GALNTL6: variants seen among roughly 807,000 people sequenced by gnomAD.
GALNTL6 encodes the protein polypeptide N-acetylgalactosaminyltransferase-like 6.
In GALNTL6, 46 loss-of-function variants were observed where a neutral mutation model predicts 73.7. The ratio of observed to expected loss-of-function variants is 0.62; its 90% CI spans 0.49 to 0.80. The LOEUF (loss-of-function observed/expected upper bound fraction) is 0.80, where lower values mean the gene tolerates loss of function less well. Ranked by LOEUF, GALNTL6 falls within the 30% of genes least tolerant of loss-of-function variation. The pLI is 0.00. For synonymous variants in GALNTL6, 259 were observed against 263.7 expected, an observed-to-expected ratio of 0.98 and a Z score of 0.17; for missense variants, 604 against 755.0, an observed-to-expected ratio of 0.80 and a Z score of 2.34.
chr4:172,285,802 C>T (rs1474950426), intron 3 of GALNTL6, among the ~76,000 whole-genome samples: 2 of 152,182 alleles, frequency 1.3e-5, no homozygotes, highest in African/African-American at 2.4e-5. Context: ...CTCCTCTCTC[C>T]CTTATTCCCA....
chr4:172,358,120 A>G (rs1048970544), intron 5 of GALNTL6, among the ~76,000 whole-genome samples: 2 of 152,172 alleles, frequency 1.3e-5, no homozygotes, highest in Non-Finnish European at 2.9e-5. Context: ...GACTCATGAG[A>G]TAAGTAGAAA....
chr4:172,879,028 T>C (rs1745326450), intron 7 of GALNTL6, among the ~76,000 whole-genome samples: 2 of 151,836 alleles, frequency 1.3e-5, no homozygotes, highest in African/African-American at 4.8e-5. Flanking sequence ...ATAAAAGTCA[T>C]TTCATAGCAA....
chr4:172,211,159 G>A (rs774293762), intron 2 of GALNTL6, among the ~76,000 whole-genome samples: 1 of 152,004 alleles, frequency 6.6e-6, no homozygotes, highest in Non-Finnish European at 1.5e-5. Flanking sequence ...AAGATGCTCC[G>A]GTTTCATCTT....
chr4:172,029,435 C>T (rs1741696753), intron 2 of GALNTL6, among the ~76,000 whole-genome samples: 1 of 152,022 alleles, frequency 6.6e-6, no homozygotes, highest in South Asian at 2.1e-4. Context: ...GTGGCTGACA[C>T]TATCGAATAC....
intron 8 of GALNTL6, among the ~76,000 whole-genome samples, chr4:172,912,305 A>G (rs1747248311): frequency 6.6e-6 from 1 of 152,212 alleles, no homozygotes; most frequent in South Asian, 2.1e-4. Flanking sequence ...AGTGTCAGCA[A>G]CGCAGAAGAC....
intron 2 of GALNTL6, among the ~76,000 whole-genome samples, chr4:171,913,840 T>C (rs1553969533): frequency 2.0e-5 from 3 of 152,052 alleles, no homozygotes; most frequent in Non-Finnish European, 2.9e-5. Flanking sequence ...TTTAGCACAA[T>C]AAAAAGTTAA....
chr4:172,527,541 T>A lies in GALNTL6; in HGVS notation c.553+178852T>A, dbSNP rs1359040209. The stretch of plus-strand genomic sequence containing the variant: ...TGAATGCCCTCTGTGAAATAGCCCT[T>A]CTTCCTTTCCATAGGATGGATTGTC... On this transcript the variant is annotated intron_variant, in intron 5 of 12. Coordinates refer to ENST00000506823, the MANE Select transcript of GALNTL6 (RefSeq NM_001034845.3). Among the ~76,000 whole-genome samples the A allele has an allele frequency of 2.6e-5, 4 of 152,204 alleles. No individual in the cohort carries two copies. In the East Asian group the frequency reaches 5.8e-4, roughly 22 times the overall value.
At chr4:172,626,718 T>C (rs981569690) in intron 5 of GALNTL6, among the ~76,000 whole-genome samples, 6 of 152,084 alleles carry the variant, frequency 3.9e-5, no homozygotes, top group African/African-American at 1.4e-4. Flanking sequence ...TTTCACCTTT[T>C]TGGTGAGCTG....
chr4:172,214,896 C>T (rs1354459117), intron 2 of GALNTL6, among the ~76,000 whole-genome samples: 1 of 151,942 alleles, frequency 6.6e-6, no homozygotes, highest in Non-Finnish European at 1.5e-5. Flanking sequence ...AGATTATTGG[C>T]TTTAGAGCTT....
intron 10 of GALNTL6, among the ~76,000 whole-genome samples, chr4:172,999,222 A>C (rs927381415): frequency 3.3e-5 from 5 of 152,100 alleles, no homozygotes; most frequent in Non-Finnish European, 7.4e-5. Flanking sequence ...TGATAAAGAA[A>C]CTTGCAGGAC....
chr4:172,197,292 A>T (rs1205336604), intron 2 of GALNTL6, among the ~76,000 whole-genome samples: 1 of 152,216 alleles, frequency 6.6e-6, no homozygotes, highest in Non-Finnish European at 1.5e-5. Flanking sequence ...ATCAGAGAAG[A>T]CAAAAACAAA....
intron 2 of GALNTL6, among the ~76,000 whole-genome samples, chr4:171,821,411 T>G (rs957314020): frequency 1.3e-5 from 2 of 152,026 alleles, no homozygotes; most frequent in Non-Finnish European, 2.9e-5. Flanking sequence ...ATATCAGAAT[T>G]TCTGTAGTAT....
intron 2 of GALNTL6, among the ~76,000 whole-genome samples, chr4:172,019,708 A>G (rs1741336499): frequency 6.6e-6 from 1 of 152,146 alleles, no homozygotes; most frequent in Admixed American, 6.6e-5. Context: ...ATAGACTCTG[A>G]TACAAAAATA....
At chr4:172,212,628 C>A (rs959871493) in intron 2 of GALNTL6, among the ~76,000 whole-genome samples, 2 of 152,022 alleles carry the variant, frequency 1.3e-5, no homozygotes, top group Non-Finnish European at 2.9e-5. Flanking sequence ...TCTTCCCTGC[C>A]CCTTCATGAA....
At chr4:172,050,601 T>C (rs1730826629) in intron 2 of GALNTL6, among the ~76,000 whole-genome samples, 1 of 152,172 alleles carries the variant, frequency 6.6e-6, no homozygotes, top group Non-Finnish European at 1.5e-5. Context: ...GAGGTCTATG[T>C]GCCAGTGGAC....
chr4:172,941,771 C>T, intron 9 of GALNTL6, among the ~76,000 whole-genome samples: 1 of 152,220 alleles, frequency 6.6e-6, no homozygotes, highest in East Asian at 1.9e-4. Flanking sequence ...ACCGAAAATG[C>T]AACTCTTGCA....
intron 10 of GALNTL6, among the ~76,000 whole-genome samples, chr4:172,955,634 C>T (rs1749702139): frequency 6.6e-6 from 1 of 152,098 alleles, no homozygotes; most frequent in East Asian, 1.9e-4. Context: ...TTACATTCTT[C>T]TAATGTTAAC....
chr4:172,937,847 T>A (rs1176016152), intron 9 of GALNTL6, among the ~76,000 whole-genome samples: 1 of 152,198 alleles, frequency 6.6e-6, no homozygotes, highest in African/African-American at 2.4e-5. Context: ...GAAATTGTTT[T>A]TTAATAGACT....
intron 2 of GALNTL6, among the ~76,000 whole-genome samples, chr4:172,077,928 C>T (rs891770155): frequency 3.3e-5 from 5 of 152,104 alleles, no homozygotes; most frequent in South Asian, 2.1e-4. Flanking sequence ...CAGAACAGGG[C>T]GCCCTGCATC....
Sources: allele counts gnomAD v4.1 joint callset (sites outside exome capture counted in the v4.1 genomes callset), GRCh38; gene constraint gnomAD v4.1.1; transcripts MANE v1.5; gene names NCBI Gene and HGNC (gene_info 2026-07-23, HGNC 2026-07-21).